Variants in AKAP13 observed in about 807,000 individuals in gnomAD.
AKAP13 encodes the protein A-kinase anchoring protein 13, also known as A-kinase anchor protein 13.
AKAP13 carries 80 observed loss-of-function variants against 264.5 expected under a neutral mutation model. The ratio of observed to expected loss-of-function variants is 0.30; its 90% CI spans 0.25 to 0.36. The LOEUF is 0.36. Among genes scored for constraint, AKAP13 ranks in the 10% least tolerant of loss-of-function variants. The probability of loss-of-function intolerance (pLI) is 1.00; values close to 1 mark genes in which losing one functional copy is unlikely to be tolerated. For missense variants in AKAP13, 3,712 were observed against 3,435.2 expected, an observed-to-expected ratio of 1.08 and a Z score of -2.01; for synonymous variants, 1,380 against 1,250.2, an observed-to-expected ratio of 1.10 and a Z score of -2.19.
intron 10 of AKAP13, among the ~76,000 whole-genome samples, chr15:85,647,926 T>C (rs2082629477): frequency 2.0e-5 from 3 of 151,948 alleles, no homozygotes; most frequent in Non-Finnish European, 4.4e-5. Flanking sequence ...AGACTCCATC[T>C]CAAAAAAACA....
chr15:85,485,158 G>C (rs1010938366), intron 1 of AKAP13, among the ~76,000 whole-genome samples: 6 of 152,186 alleles, frequency 3.9e-5, no homozygotes, highest in Non-Finnish European at 7.3e-5. Flanking sequence ...AATTCATTTA[G>C]TGAACATAAC....
chr15:85,556,687 G>A (rs954634050), intron 5 of AKAP13, among the ~76,000 whole-genome samples: 5 of 152,038 alleles, frequency 3.3e-5, no homozygotes, highest in Admixed American at 6.6e-5. Context: ...CAGCTACACT[G>A]GCTGTAACCT....
intron 8 of AKAP13, 114 bp from the exon 9 acceptor site, chr15:85,639,260 C>T: frequency 2.7e-6 from 2 of 730,176 alleles, no homozygotes; most frequent in Non-Finnish European, 4.6e-6. Flanking sequence ...AGTTTGCTCA[C>T]CCTGTATTAA....
intron 33 of AKAP13, among the ~76,000 whole-genome samples, chr15:85,738,091 T>C (rs1220466575): frequency 1.3e-5 from 2 of 152,158 alleles, no homozygotes; most frequent in African/African-American, 4.8e-5. Flanking sequence ...CTGTTACTTC[T>C]GTTTATTAAG....
intron 2 of AKAP13, among the ~76,000 whole-genome samples, chr15:85,497,388 G>A (rs563075660): frequency 6.6e-6 from 1 of 152,276 alleles, no homozygotes; most frequent in African/African-American, 2.4e-5. Flanking sequence ...AGAGAGGAAT[G>A]GAATATTGGC....
At chr15:85,446,413 C>T (rs1335692253) in intron 1 of AKAP13, among the ~76,000 whole-genome samples, 3 of 152,048 alleles carry the variant, frequency 2.0e-5, no homozygotes, top group South Asian at 2.1e-4. Context: ...GAGGTGAGAC[C>T]GTTAATGAGG....
At chr15:85,654,941 CACCATTTTG>C (rs1193736565) in intron 10 of AKAP13, among the ~76,000 whole-genome samples, 8 of 152,152 alleles carry the variant, frequency 5.3e-5, no homozygotes, top group Non-Finnish European at 1.2e-4. Context: ...CCTGTAATCC[CACCATTTTG>C]GGAGGCTGAG....
rs184620306 is a variant in AKAP13 at position 85,658,257 on chromosome 15, G to A, written c.4746-280G>A. Among the ~76,000 whole-genome samples the A allele has an allele frequency of 1.1e-4, 16 of 152,278 alleles. No individual in the cohort carries two copies. The East Asian group carries it at 3.1e-3, about 29-fold the overall frequency. On this transcript the variant is annotated intron_variant, in intron 11 of 36. Transcript: ENST00000394518. ...AAAAACCCCTTTAAAGCTTTGAGTA[G>A]TAATTTTTTTCTGATTCTTTAATAA...
chr15:85,668,633 C>T (rs1392953965), intron 13 of AKAP13, among the ~76,000 whole-genome samples: 1 of 152,190 alleles, frequency 6.6e-6, no homozygotes, highest in Non-Finnish European at 1.5e-5. Flanking sequence ...TTACTTGAAT[C>T]TCAATTTCCA....
At chr15:85,582,169 G>A (rs2079152956) in intron 7 of AKAP13, 62 bp downstream of exon 7, 9 of 1,489,234 alleles carry the variant, frequency 6.0e-6, no homozygotes, top group South Asian at 4.0e-5. Context: ...GAGTCACTGT[G>A]GTGTCCTGGT....
intron 6 of AKAP13, chr15:85,577,998 T>C (rs1441207015): frequency 4.9e-6 from 1 of 203,500 alleles, no homozygotes; most frequent in East Asian, 1.9e-4. Flanking sequence ...ATGAAAAATA[T>C]AGGTGGGACA....
intron 8 of AKAP13, among the ~76,000 whole-genome samples, chr15:85,595,280 G>A (rs2079767069): frequency 6.6e-6 from 1 of 151,546 alleles, no homozygotes; most frequent in South Asian, 2.1e-4. Context: ...TTAAATTTTT[G>A]TAGAGACACG....
intron 14 of AKAP13, among the ~76,000 whole-genome samples, chr15:85,680,389 A>T (rs2084519719): frequency 6.6e-6 from 1 of 152,146 alleles, no homozygotes; most frequent in Non-Finnish European, 1.5e-5. Context: ...CTGGGGATGG[A>T]TCCCAGATAT....
intron 34 of AKAP13, 43 bp from the exon 35 acceptor site, chr15:85,741,002 CG>C: frequency 6.4e-7 from 1 of 1,558,182 alleles, no homozygotes; most frequent in Non-Finnish European, 8.7e-7. Context: ...AGCTCGCTGT[CG>C]TCCTGGCCAG....
At chr15:85,703,284 G>A (rs1291355594) in intron 17 of AKAP13, among the ~76,000 whole-genome samples, 1 of 152,090 alleles carries the variant, frequency 6.6e-6, no homozygotes, top group East Asian at 1.9e-4. Context: ...GGAAAAGGAA[G>A]GTAAAAAAAG....
chr15:85,734,878 GTCAC>G, intron 30 of AKAP13, 110 bp from the exon 31 acceptor site: 3 of 1,389,212 alleles, frequency 2.2e-6, no homozygotes, highest in Non-Finnish European at 2.9e-6. Context: ...AACTCACCCA[GTCAC>G]TCTTTGGAAC....
chr15:85,442,504 T>TATATATATTATATAATATATATATA lies in AKAP13; in HGVS notation c.-11-43199_-11-43198insTTATATAATATATATATAATATATA, dbSNP rs1567059671. Among the ~76,000 whole-genome samples the TATATATATTATATAATATATATATA allele has an allele frequency of 1.3e-4, 13 of 100,034 alleles. No homozygotes were observed. The East Asian group carries it at 3.1e-3, about 24-fold the overall frequency. The allele number at this position is 100,034 out of a possible 152,430, so 65.6% of individuals were successfully genotyped here. ...ATAATATATATAATATATATTATAT[T>TATATATATTATATAATATATATATA]ATATATAATATATATTATATTATAT... On this transcript the variant is annotated intron_variant, in intron 1 of 36. Coordinates refer to ENST00000394518, the MANE Select transcript of AKAP13 (RefSeq NM_007200.5).
At chr15:85,682,027 G>A (rs1456795812) in intron 14 of AKAP13, 131 bp from the exon 15 acceptor site, 2 of 766,474 alleles carry the variant, frequency 2.6e-6, no homozygotes, top group Non-Finnish European at 4.4e-6. Context: ...CCTTTAGAAG[G>A]AGGAGGTACC....
chr15:85,638,392 G>A (rs1281758219), intron 8 of AKAP13, among the ~76,000 whole-genome samples: 1 of 151,918 alleles, frequency 6.6e-6, no homozygotes, highest in African/African-American at 2.4e-5. Flanking sequence ...TTTTATTTGA[G>A]GTTTGTTTTA....
Sources: allele counts gnomAD v4.1 joint callset (sites outside exome capture counted in the v4.1 genomes callset), GRCh38; gene constraint gnomAD v4.1.1; transcripts MANE v1.5; gene names NCBI Gene and HGNC (gene_info 2026-07-23, HGNC 2026-07-21).